DACH2: variants seen among roughly 807,000 people sequenced by gnomAD.
DACH2 encodes dachshund homolog 2.
In DACH2, 17 loss-of-function variants were observed where a neutral mutation model predicts 35.8. The ratio of observed to expected loss-of-function variants is 0.48; its 90% CI spans 0.33 to 0.71. The LOEUF (loss-of-function observed/expected upper bound fraction) is 0.71. Ranked by LOEUF, DACH2 falls within the 30% of genes least tolerant of loss-of-function variation. The probability of loss-of-function intolerance (pLI) is 0.02; values close to 1 mark genes in which losing one functional copy is unlikely to be tolerated. For synonymous variants in DACH2, 195 were observed against 177.3 expected (o/e 1.10, Z -0.79); for missense variants, 469 against 472.7 (o/e 0.99, Z 0.07).
chrX:86,538,443 A>G (rs1021802811), intron 3 of DACH2, among the ~76,000 whole-genome samples: 5 of 111,886 alleles, frequency 4.5e-5, no homozygotes, highest in Non-Finnish European at 9.4e-5. Flanking sequence ...GTTATTAACA[A>G]TAGCCCCACT....
At chrX:86,501,121 ATGCT>A (rs2038243437) in intron 2 of DACH2, among the ~76,000 whole-genome samples, 1 of 112,396 alleles carries the variant, frequency 8.9e-6, no homozygotes, top group Admixed American at 9.5e-5. Flanking sequence ...ATTATTCTAA[ATGCT>A]TGCTTAACAC....
chrX:86,403,341 C>A (rs761326622), intron 2 of DACH2, among the ~76,000 whole-genome samples: 2 of 111,290 alleles, frequency 1.8e-5, no homozygotes, highest in Non-Finnish European at 1.9e-5. Context: ...CAGACAAAAA[C>A]CAAAAAACTT....
chrX:86,743,866 G>C (rs2041683444), intron 7 of DACH2, among the ~76,000 whole-genome samples: 2 of 111,124 alleles, frequency 1.8e-5, no homozygotes, highest in East Asian at 5.7e-4. Flanking sequence ...TCTAGTTATA[G>C]TTGAAACTTC....
intron 2 of DACH2, among the ~76,000 whole-genome samples, chrX:86,397,575 A>C (rs1383804692): frequency 9.0e-6 from 1 of 111,527 alleles, no homozygotes; most frequent in African/African-American, 3.3e-5. Context: ...ATCAATACCT[A>C]ATTTACTGAG....
At chrX:86,400,451 C>T (rs745806918) in intron 2 of DACH2, among the ~76,000 whole-genome samples, 61 of 111,687 alleles carry the variant, frequency 5.5e-4, no homozygotes, top group Middle Eastern at 9.2e-3. Flanking sequence ...GGAGGAGAGG[C>T]GCTCTGAGTT....
intron 1 of DACH2, among the ~76,000 whole-genome samples, chrX:86,161,532 T>C (rs775557316): frequency 1.8e-5 from 2 of 112,550 alleles, no homozygotes; most frequent in South Asian, 7.3e-4. Flanking sequence ...TTAGAATGCA[T>C]TGATGAGTAT....
rs182707629 is a variant in DACH2 at position 86,452,829 on chromosome X, C to G, written c.528-61450C>G. Among the ~76,000 whole-genome samples, 3 of 111,013 alleles carry G rather than the reference C, an allele frequency of 2.7e-5. No individual in the cohort carries two copies. In the East Asian group the frequency reaches 8.5e-4, roughly 32 times the overall value. ...TGTCTCTATATCCTTCAGTTCAGCT[C>G]CGATCTTGGTTATTTCTTGTCTTCT... On this transcript the variant is annotated intron_variant, in intron 2 of 11. Transcript: ENST00000373125.
At chrX:86,717,557 T>G (rs1376657413) in intron 6 of DACH2, among the ~76,000 whole-genome samples, 1 of 109,009 alleles carries the variant, frequency 9.2e-6, no homozygotes, top group Non-Finnish European at 1.9e-5. Context: ...ATTAAAATAT[T>G]TGACTGGAGT....
intron 2 of DACH2, among the ~76,000 whole-genome samples, chrX:86,442,382 TGTGTGTATG>T (rs1416025893): frequency 9.7e-6 from 1 of 103,222 alleles, no homozygotes; most frequent in South Asian, 4.5e-4. Flanking sequence ...TGTGTGTGTG[TGTGTGTATG>T]TTTTTTTTTT....
At chrX:86,570,614 G>A (rs1384214125) in intron 3 of DACH2, among the ~76,000 whole-genome samples, 3 of 110,165 alleles carry the variant, frequency 2.7e-5, no homozygotes, top group Non-Finnish European at 5.7e-5. Context: ...GAGAGCATTA[G>A]GAAAAAAATG....
At chrX:86,799,569 A>AC (rs1264040672) in intron 7 of DACH2, among the ~76,000 whole-genome samples, 2 of 111,805 alleles carry the variant, frequency 1.8e-5, no homozygotes, top group Non-Finnish European at 3.8e-5. Flanking sequence ...GTCGATTCAG[A>AC]CTACTCAGGT....
chrX:86,737,679 G>T (rs745998432), intron 6 of DACH2, among the ~76,000 whole-genome samples: 89 of 111,871 alleles, frequency 8.0e-4, no homozygotes, highest in African/African-American at 2.7e-3. Context: ...TAAAAGCAAG[G>T]TGTGGTCAAG....
chrX:86,541,359 A>G (rs2038878454), intron 3 of DACH2, among the ~76,000 whole-genome samples: 1 of 110,679 alleles, frequency 9.0e-6, no homozygotes, highest in Non-Finnish European at 1.9e-5. Context: ...TCTGTATTTT[A>G]TTTTCTCTCA....
chrX:86,319,350 A>T (rs1406779298), intron 1 of DACH2, among the ~76,000 whole-genome samples: 1 of 112,063 alleles, frequency 8.9e-6, no homozygotes, highest in African/African-American at 3.2e-5. Context: ...AACTAAAAAC[A>T]TCTTTTACTG....
chrX:86,163,768 A>G (rs2030847741), intron 1 of DACH2, among the ~76,000 whole-genome samples: 1 of 111,531 alleles, frequency 9.0e-6, no homozygotes, highest in African/African-American at 3.3e-5. Flanking sequence ...ATCGTTTTTT[A>G]TGGCTGCATA....
At chrX:86,593,791 T>C (rs2039679136) in intron 3 of DACH2, among the ~76,000 whole-genome samples, 1 of 111,202 alleles carries the variant, frequency 9.0e-6, no homozygotes, top group East Asian at 2.8e-4. Context: ...TTTTCAGTAA[T>C]ATTGATCTGC....
intron 1 of DACH2, among the ~76,000 whole-genome samples, chrX:86,283,618 T>C (rs962358691): frequency 1.9e-5 from 2 of 105,940 alleles, no homozygotes; most frequent in Admixed American, 2.1e-4. Context: ...CTCAGCAAAC[T>C]AACACAGGAA....
chrX:86,790,799 C>A (rs2042179996), intron 7 of DACH2, among the ~76,000 whole-genome samples: 1 of 111,272 alleles, frequency 9.0e-6, no homozygotes, highest in South Asian at 3.8e-4. Context: ...GCCTCAGCCT[C>A]CCAAAGTTCT....
intron 2 of DACH2, among the ~76,000 whole-genome samples, chrX:86,461,328 T>C (rs1206296898): frequency 1.8e-5 from 2 of 111,678 alleles, no homozygotes; most frequent in Non-Finnish European, 3.8e-5. Context: ...TTCTGAATGC[T>C]GTTAACTTAT....
Sources: allele counts gnomAD v4.1 joint callset (sites outside exome capture counted in the v4.1 genomes callset), GRCh38; gene constraint gnomAD v4.1.1; transcripts MANE v1.5; gene names NCBI Gene and HGNC (gene_info 2026-07-23, HGNC 2026-07-21).